The following CRB1 variants were observed in gnomAD, a reference collection of about 807,000 sequenced individuals.
The protein encoded by CRB1 is protein crumbs homolog 1.
Under a neutral mutation model 120.0 loss-of-function variants are expected in CRB1, and 83 were observed. That is an observed-to-expected ratio of 0.69 (90% confidence interval 0.58 to 0.83). The LOEUF is 0.83. Ranked by LOEUF, CRB1 falls within the 40% of genes least tolerant of loss-of-function variation. The pLI is 0.00. For missense variants in CRB1, 1,699 were observed against 1,687.6 expected, an observed-to-expected ratio of 1.01 and a Z score of -0.12; for synonymous variants, 625 against 612.5, an observed-to-expected ratio of 1.02 and a Z score of -0.30.
intron 1 of CRB1, among the ~76,000 whole-genome samples, chr1:197,291,440 A>G (rs903139860): frequency 1.4e-4 from 21 of 151,776 alleles, no homozygotes; most frequent in African/African-American, 5.1e-4. Flanking sequence ...GTTTTATCAA[A>G]TTAATGTTTG....
chr1:197,416,030 A>T (rs1206373870), intron 5 of CRB1, among the ~76,000 whole-genome samples: 2 of 152,202 alleles, frequency 1.3e-5, no homozygotes, highest in Non-Finnish European at 2.9e-5. Context: ...GCCTGAAGAG[A>T]TACCCTTCTC....
chr1:197,252,641 C>T, the CRB1 span, among the ~76,000 whole-genome samples: 1 of 134,466 alleles, frequency 7.4e-6, no homozygotes. Context: ...TTATATTACA[C>T]ACACACACAC....
At chr1:197,410,108 C>T (rs540859695) in intron 5 of CRB1, among the ~76,000 whole-genome samples, 128 of 152,298 alleles carry the variant, frequency 8.4e-4, no homozygotes, top group Non-Finnish European at 1.4e-3. Context: ...TCTATCCACT[C>T]ACATTCATTT....
rs1443399005 is a variant in CRB1 at position 197,384,683 on chromosome 1, T to C, written c.1171+27670T>C. Among the ~76,000 whole-genome samples, 4 of 152,118 alleles carry C rather than the reference T, an allele frequency of 2.6e-5. 1 individual carries two copies. The highest frequency in any genetic ancestry group is 2.6e-4 in the Admixed American group (4 of 15,250). ...GGCCAAATGAGAACCGAAATACATT[T>C]CACTGTAGCACAGCCCATAAAAGCA... On this transcript the variant is annotated intron_variant, in intron 5 of 11. Coordinates refer to ENST00000367400, the MANE Select transcript of CRB1 (RefSeq NM_201253.3).
At chr1:197,212,253 A>C in the CRB1 span, among the ~76,000 whole-genome samples, 57 of 152,288 alleles carry the variant, frequency 3.7e-4, no homozygotes, top group African/African-American at 1.2e-3. Flanking sequence ...CATACCATAC[A>C]AACTAACCAT....
intron 5 of CRB1, among the ~76,000 whole-genome samples, chr1:197,385,952 A>T (rs1270609555): frequency 6.6e-6 from 1 of 152,100 alleles, no homozygotes; most frequent in Non-Finnish European, 1.5e-5. Flanking sequence ...TACCTTGAAA[A>T]TTATCAAAAA....
chr1:197,259,089 G>C, the CRB1 span, among the ~76,000 whole-genome samples: 1 of 152,182 alleles, frequency 6.6e-6, no homozygotes, highest in African/African-American at 2.4e-5. Flanking sequence ...GGGAATGCAA[G>C]TTAGTTCAAC....
the CRB1 span, among the ~76,000 whole-genome samples, chr1:197,247,667 G>A: frequency 6.6e-6 from 1 of 152,054 alleles, no homozygotes; most frequent in Non-Finnish European, 1.5e-5. Flanking sequence ...AGGAAAGACA[G>A]AGAAAACATG....
chr1:197,229,433 C>A, the CRB1 span, among the ~76,000 whole-genome samples: 130,735 of 151,680 alleles, frequency 0.86, 56,767 homozygotes, highest in East Asian at 0.98. Flanking sequence ...TCCCTTCCCC[C>A]AATCTTAATT....
intron 1 of CRB1, among the ~76,000 whole-genome samples, chr1:197,306,462 C>T (rs190028740): frequency 3.9e-4 from 59 of 152,196 alleles, no homozygotes; most frequent in Non-Finnish European, 7.1e-4. Flanking sequence ...AAGAACTTAT[C>T]CTACAGTAAA....
intron 11 of CRB1, among the ~76,000 whole-genome samples, chr1:197,450,036 A>G (rs1665885034): frequency 6.6e-6 from 1 of 152,226 alleles, no homozygotes; most frequent in Non-Finnish European, 1.5e-5. Context: ...CCAAAAAAAT[A>G]AAAATCACAT....
At chr1:197,266,950 G>A (rs893487296), upstream of CRB1, among the ~76,000 whole-genome samples, 1 of 152,088 alleles carries the variant, frequency 6.6e-6, no homozygotes, top group Non-Finnish European at 1.5e-5. Context: ...GGTTCAGTAT[G>A]TAGATGTCCC....
chr1:197,252,482 C>T, the CRB1 span, among the ~76,000 whole-genome samples: 4 of 131,930 alleles, frequency 3.0e-5, no homozygotes, highest in Admixed American at 3.3e-4. Flanking sequence ...AAATCACTAA[C>T]CTGATTATAT....
At chr1:197,263,652 T>C (rs1228463871), upstream of CRB1, among the ~76,000 whole-genome samples, 1 of 152,062 alleles carries the variant, frequency 6.6e-6, no homozygotes, top group Non-Finnish European at 1.5e-5. Context: ...CTGAAAACTG[T>C]AGTCCATTAG....
At position 197,427,895 on chromosome 1, in the gene CRB1, T is replaced by C; in HGVS notation, c.2570T>C (p.Leu857Pro). Residue 857 changes from leucine (L) to proline (P), a missense_variant, in exon 7 of 12, where the codon CTA becomes CCA. Physicochemically the swap from Leu to Pro is moderately conservative, Grantham distance 98 (BLOSUM62 -3). Coordinates refer to ENST00000367400, the MANE Select transcript of CRB1 (RefSeq NM_201253.3). ...FFKGCIQDVR[L>P]NNQNLEFFPN... is the part of the protein sequence containing the mutation. ...AAAGGCTGTATCCAAGATGTAAGAC[T>C]AAACAACCAAAATCTGGAATTCTTT... 1 of 1,614,024 alleles carries C rather than the reference T, an allele frequency of 6.2e-7. No homozygotes were observed. Among genetic ancestry groups the C allele is most frequent in the Non-Finnish European group, 8.5e-7 (1 of 1,179,966 alleles).
At chr1:197,353,810 T>TAA (rs1274639806) in intron 4 of CRB1, among the ~76,000 whole-genome samples, 4 of 64,450 alleles carry the variant, frequency 6.2e-5, no homozygotes, top group African/African-American at 1.5e-4. Context: ...CAAAAATATA[T>TAA]AAATAAAAAA....
intron 5 of CRB1, among the ~76,000 whole-genome samples, chr1:197,359,048 A>G (rs1660636519): frequency 6.6e-6 from 1 of 152,178 alleles, no homozygotes; most frequent in South Asian, 2.1e-4. Context: ...AACTTTTTAA[A>G]TGATAATAGT....
At chr1:197,389,965 C>T (rs990596376) in intron 5 of CRB1, among the ~76,000 whole-genome samples, 2 of 152,022 alleles carry the variant, frequency 1.3e-5, no homozygotes, top group African/African-American at 4.8e-5. Flanking sequence ...TTGTTTTTGT[C>T]TCTGGTACAT....
intron 5 of CRB1, among the ~76,000 whole-genome samples, chr1:197,370,786 C>T (rs1270720983): frequency 6.6e-6 from 1 of 152,150 alleles, no homozygotes; most frequent in Non-Finnish European, 1.5e-5. Context: ...TTCTTCCTAC[C>T]TCACGGTACC....
Sources: gnomAD v4.1 joint callset for allele counts (sites outside exome capture counted in the v4.1 genomes callset) on GRCh38, gnomAD v4.1.1 for gene constraint, MANE v1.5 for transcripts, NCBI Gene and HGNC (gene_info 2026-07-23, HGNC 2026-07-21) for gene names.